Variants in GOLPH3 observed in about 807,000 individuals in gnomAD.
GOLPH3 encodes coat protein GPP34.
Under a neutral mutation model 28.5 loss-of-function variants are expected in GOLPH3, and 14 were observed. The observed-to-expected ratio is 0.49, with a 90% CI of 0.32 to 0.77. GOLPH3 has a LOEUF of 0.77. GOLPH3 is among the 30% of genes least tolerant of loss of function. The pLI is 0.03. For synonymous variants in GOLPH3, 158 were observed against 159.2 expected (o/e 0.99, Z 0.06); for missense variants, 350 against 393.7 (o/e 0.89, Z 0.94).
intron 2 of GOLPH3, among the ~76,000 whole-genome samples, chr5:32,142,292 C>T (rs983008822): frequency 4.6e-5 from 7 of 151,202 alleles, no homozygotes; most frequent in Middle Eastern, 3.5e-3. Flanking sequence ...TCTGCCCGGA[C>T]GCCCCGTCTG....
chr5:32,154,154 T>C (rs975054489), intron 1 of GOLPH3, among the ~76,000 whole-genome samples: 11 of 152,178 alleles, frequency 7.2e-5, no homozygotes, highest in African/African-American at 2.4e-4. Flanking sequence ...CCGCAAGTCA[T>C]AATTTTAAAA....
At chr5:32,145,845 T>C (rs1266865767) in intron 1 of GOLPH3, among the ~76,000 whole-genome samples, 3 of 152,166 alleles carry the variant, frequency 2.0e-5, no homozygotes, top group African/African-American at 4.8e-5. Context: ...AGTAGATGAA[T>C]GGGAACGGAC....
Position 32,174,317 on chromosome 5 carries a change from T to G in GOLPH3, c.-283A>C. ...GGAGGCGGCGGCGGCGCCTTTCCAA[T>G]ATGGCGGCCCCGGCTGACGTCACCG... is the stretch of plus-strand genomic sequence containing the variant. On this transcript the variant is annotated 5_prime_UTR_variant, in exon 1 of 4. Transcript: ENST00000265070. 3 of 290,484 alleles carry G rather than the reference T, an allele frequency of 1.0e-5. No homozygotes were observed. Among genetic ancestry groups the G allele is most frequent in the East Asian group, 5.7e-5 (1 of 17,404 alleles). 18.0% of individuals were successfully genotyped at this position (290,484 alleles called of 1,614,324 possible).
At chr5:32,128,610 G>A (rs369734110) in intron 3 of GOLPH3, among the ~76,000 whole-genome samples, 4 of 152,130 alleles carry the variant, frequency 2.6e-5, no homozygotes, top group African/African-American at 4.8e-5. Context: ...GCAGTGAGCC[G>A]AGATCGTGCC....
chr5:32,151,353 G>C (rs1432022774), intron 1 of GOLPH3, among the ~76,000 whole-genome samples: 1 of 151,928 alleles, frequency 6.6e-6, no homozygotes, highest in African/African-American at 2.4e-5. Context: ...AGCGAGAGCT[G>C]TCTCTACAAA....
intron 1 of GOLPH3, among the ~76,000 whole-genome samples, chr5:32,169,002 G>A (rs1056639425): frequency 2.0e-5 from 3 of 151,648 alleles, no homozygotes; most frequent in Non-Finnish European, 2.9e-5. Context: ...AAACAGGTGC[G>A]GTGGCTCATG....
At chr5:32,166,752 G>C (rs1746719586) in intron 1 of GOLPH3, among the ~76,000 whole-genome samples, 1 of 151,782 alleles carries the variant, frequency 6.6e-6, no homozygotes, top group African/African-American at 2.4e-5. Context: ...AGTTGCAGTG[G>C]GCCAAGACGG....
At chr5:32,149,316 G>T (rs1411901128) in intron 1 of GOLPH3, among the ~76,000 whole-genome samples, 1 of 152,206 alleles carries the variant, frequency 6.6e-6, no homozygotes, top group East Asian at 1.9e-4. Context: ...GTTTTGTTAT[G>T]CAGTAAGATA....
intron 1 of GOLPH3, among the ~76,000 whole-genome samples, chr5:32,168,317 CT>C (rs1309550925): frequency 6.6e-6 from 1 of 152,146 alleles, no homozygotes. Flanking sequence ...AAGTAGTGAC[CT>C]TGGGAACCTT....
chr5:32,148,657 C>T (rs961129327), intron 1 of GOLPH3, among the ~76,000 whole-genome samples: 1 of 152,064 alleles, frequency 6.6e-6, no homozygotes, highest in Non-Finnish European at 1.5e-5. Flanking sequence ...ATTAGCTGGG[C>T]GTGGTGGTGG....
chr5:32,126,422 A>C lies in GOLPH3; in HGVS notation c.687T>G (p.Pro229=). 1 of 1,614,190 alleles carries C rather than the reference A, an allele frequency of 6.2e-7. No homozygotes were observed. The highest frequency in any genetic ancestry group is 8.5e-7 in the Non-Finnish European group (1 of 1,180,032). ...EAVLDKWVND[P]HRMDRRLLAL... ...CCAGCAAGCGCCTGTCCATGCGGTG[A>C]GGGTCATTCACCCATTTGTCAAGAA... Residue 229 remains proline, a synonymous_variant, in exon 4 of 4, where the codon CCT becomes CCG. Transcript: ENST00000265070.
rs538172006 is a variant in GOLPH3, at chr5:32,165,665, A to G, written c.225+8145T>C. On this transcript the variant is annotated intron_variant, in intron 1 of 3. Coordinates refer to ENST00000265070, the MANE Select transcript of GOLPH3 (RefSeq NM_022130.4). ...ATATGAGCTTTGACACACAGAACTA[A>G]AATGAATGAACTTGAAGACAGACAT... Among the ~76,000 whole-genome samples, 11 of 152,372 alleles carry G rather than the reference A, an allele frequency of 7.2e-5. No homozygotes were observed. In the East Asian group the frequency reaches 2.1e-3, roughly 29 times the overall value.
rs60787895 is a variant in GOLPH3, at chr5:32,172,528, C to A, written c.225+1282G>T. The stretch of plus-strand genomic sequence containing the variant: ...TGGCCAACATGGTGAAACCCCGTCT[C>A]TACTAAAGGTATGAAAATTAGCTGG... On this transcript the variant is annotated intron_variant, in intron 1 of 3. Transcript: ENST00000265070. Among the ~76,000 whole-genome samples the A allele has an allele frequency of 9.8e-3, 1,497 of 152,204 alleles. 26 individuals carry two copies. The highest frequency in any genetic ancestry group is 0.035 in the African/African-American group (1,455 of 41,518).
intron 1 of GOLPH3, among the ~76,000 whole-genome samples, chr5:32,154,227 C>G (rs6859125): frequency 0.54 from 81,764 of 151,920 alleles, 23,310 homozygotes; most frequent in Non-Finnish European, 0.63. Flanking sequence ...ACTCCTAACC[C>G]AAAACTTAGT....
chr5:32,130,564 G>T (rs1443535578), intron 3 of GOLPH3, among the ~76,000 whole-genome samples: 1 of 152,048 alleles, frequency 6.6e-6, no homozygotes, highest in Non-Finnish European at 1.5e-5. Context: ...AAATAGGAAG[G>T]AATTCTATAC....
At chr5:32,144,911 G>T (rs577889364) in intron 1 of GOLPH3, among the ~76,000 whole-genome samples, 1 of 152,196 alleles carries the variant, frequency 6.6e-6, no homozygotes, top group Non-Finnish European at 1.5e-5. Flanking sequence ...ATCAATTTAA[G>T]ATACCCAGTT....
At chr5:32,128,839 C>CA (rs902394504) in intron 3 of GOLPH3, among the ~76,000 whole-genome samples, 1 of 151,390 alleles carries the variant, frequency 6.6e-6, no homozygotes, top group Non-Finnish European at 1.5e-5. Context: ...TGCAAAGCAG[C>CA]AAAAAAGTGA....
At chr5:32,140,291 C>T (rs1179315622) in intron 2 of GOLPH3, among the ~76,000 whole-genome samples, 5 of 151,830 alleles carry the variant, frequency 3.3e-5, no homozygotes, top group Non-Finnish European at 7.4e-5. Context: ...ATCACTTGAA[C>T]CCAAGCGTTC....
At chr5:32,138,894 T>C (rs988618082) in intron 2 of GOLPH3, among the ~76,000 whole-genome samples, 3 of 152,118 alleles carry the variant, frequency 2.0e-5, no homozygotes, top group African/African-American at 7.2e-5. Context: ...CACAAGAAAA[T>C]AAAGAAAGCA....
Sources: allele counts gnomAD v4.1 joint callset (sites outside exome capture counted in the v4.1 genomes callset), GRCh38; gene constraint gnomAD v4.1.1; transcripts MANE v1.5; gene names NCBI Gene and HGNC (gene_info 2026-07-23, HGNC 2026-07-21).